Variants in SPI1 observed in about 807,000 individuals in gnomAD.
SPI1 encodes transcription factor PU.1.
SPI1 carries 3 observed loss-of-function variants against 30.7 expected under a neutral mutation model. That is an observed-to-expected ratio of 0.10 (90% CI 0.04 to 0.25). The LOEUF is 0.25. Ranked by LOEUF, SPI1 falls within the 10% of genes least tolerant of loss-of-function variation. SPI1 has a pLI of 1.00. For missense variants in SPI1, 261 were observed against 371.5 expected (o/e 0.70, Z 2.45); for synonymous variants, 169 against 157.1 (o/e 1.08, Z -0.56).
chr11:47,377,065 G>A (rs2095943398), intron 1 of SPI1, among the ~76,000 whole-genome samples: 1 of 152,234 alleles, frequency 6.6e-6, no homozygotes, highest in Admixed American at 6.5e-5. Context: ...GTTCCCAGGT[G>A]GGAAGGGGTG....
chr11:47,356,303 C>A (rs1056205279), intron 4 of SPI1, among the ~76,000 whole-genome samples: 1 of 149,684 alleles, frequency 6.7e-6, no homozygotes, highest in Non-Finnish European at 1.5e-5. Flanking sequence ...CCCACATGTT[C>A]AAACCCACAC....
At chr11:47,358,171 A>C in intron 4 of SPI1, 1 of 228,994 alleles carries the variant, frequency 4.4e-6, no homozygotes. Flanking sequence ...CCACTCACAC[A>C]TCCACTGACA....
Position 47,374,038 on chromosome 11 carries a change from C to T in SPI1, c.142+1595G>A, listed in dbSNP as rs555745372. On this transcript the variant is annotated intron_variant, in intron 2 of 4. Coordinates refer to ENST00000378538, the MANE Select transcript of SPI1 (RefSeq NM_003120.3). This position sits in a 1 kb window ranked among gnomAD's most constrained non-coding sequence, Gnocchi z 4.5. ...AAGAGGGATTGGGCCAGGGAGAATG[C>T]GTCCTTGTTGGAGGAGGCCTGACAG... Among the ~76,000 whole-genome samples, 18 of 152,312 alleles carry T rather than the reference C, an allele frequency of 1.2e-4. No individual in the cohort carries two copies. In the East Asian group the frequency reaches 2.7e-3, roughly 23 times the overall value.
At position 47,356,869 on chromosome 11, in the gene SPI1, TCA is replaced by T. The variant is rs773363380; in HGVS notation, c.494-1325_494-1324del. Among the ~76,000 whole-genome samples the T allele has an allele frequency of 7.7e-5, 11 of 142,510 alleles. No individual in the cohort carries two copies. In the East Asian group the frequency reaches 8.6e-4, roughly 11 times the overall value. 93.5% of individuals were successfully genotyped at this position (142,510 alleles called of 152,430 possible). On this transcript the variant is annotated intron_variant, in intron 4 of 4. Coordinates refer to ENST00000378538, the MANE Select transcript of SPI1 (RefSeq NM_003120.3). ...ACGCACACACCTGCTCACACACATC[TCA>T]CATTACTCAGCTACACACACACGCC...
rs189196108 is a variant in SPI1, at chr11:47,359,122, G to A, written c.331-116C>T. 6.4e-4 allele frequency: 561 copies of A among 875,774 alleles called. 7 individuals are homozygous for A. The African/African-American group carries it at 0.014, about 21-fold the overall frequency. The allele number at this position is 875,774 out of a possible 1,614,324, so 54.3% of individuals were successfully genotyped here. On this transcript the variant is annotated intron_variant, in intron 3 of 4. Transcript: ENST00000378538. This position sits in a 1 kb window ranked among gnomAD's most constrained non-coding sequence, Gnocchi z 5.1. ...TGCAGAGGGCAGGGGACAATGGCAG[G>A]CACAGGAGACTGGAGGAAGAAGACC...
chr11:47,378,039 C>T (rs1256759601), intron 1 of SPI1, among the ~76,000 whole-genome samples: 3 of 152,244 alleles, frequency 2.0e-5, no homozygotes, highest in Non-Finnish European at 4.4e-5. Flanking sequence ...CCCCGGCCTC[C>T]GCCTGCCACC....
chr11:47,377,785 C>A (rs899351874), intron 1 of SPI1, among the ~76,000 whole-genome samples: 4 of 152,234 alleles, frequency 2.6e-5, no homozygotes, highest in African/African-American at 4.8e-5. Flanking sequence ...ATGGCCCTGA[C>A]CCTTTGGTCA....
Position 47,355,152 on chromosome 11 carries a change from T to C in SPI1, c.*75A>G. 8.5e-7 allele frequency: 1 copy of C among 1,179,762 alleles called. No homozygotes were observed. Among genetic ancestry groups the C allele is most frequent in the Non-Finnish European group, 1.1e-6 (1 of 937,768 alleles). 73.1% of individuals were successfully genotyped at this position (1,179,762 alleles called of 1,614,324 possible). On this transcript the variant is annotated 3_prime_UTR_variant, in exon 5 of 5. Coordinates refer to ENST00000378538, the MANE Select transcript of SPI1 (RefSeq NM_003120.3). ...CTCTGGGCCCCGGGAGCGTCCTCCC[T>C]GTGTCCGGGCCGGGCGAGGGCTTAA...
intron 2 of SPI1, among the ~76,000 whole-genome samples, chr11:47,371,281 AC>A (rs1270647210): frequency 7.7e-6 from 1 of 130,452 alleles, no homozygotes; most frequent in Non-Finnish European, 1.6e-5. Flanking sequence ...AATCGCTTGA[AC>A]CCGGGAGGTG....
intron 2 of SPI1, among the ~76,000 whole-genome samples, chr11:47,371,806 A>G (rs565584678): frequency 6.6e-6 from 1 of 152,204 alleles, no homozygotes; most frequent in Non-Finnish European, 1.5e-5. Flanking sequence ...GATAAAATCC[A>G]AATGCCTGCC....
intron 1 of SPI1, 60 bp downstream of exon 1, chr11:47,378,249 G>A (rs2095944971): frequency 1.3e-6 from 2 of 1,552,886 alleles, no homozygotes; most frequent in African/African-American, 2.7e-5. Context: ...GGGTTCGTGG[G>A]CAGGCAGGCA....
chr11:47,359,880 C>T lies in SPI1; in HGVS notation c.303G>A (p.Val101=). The T allele has an allele frequency of 6.2e-7, 1 of 1,607,610 alleles. No individual in the cohort carries two copies. The highest frequency in any genetic ancestry group is 8.5e-7 in the Non-Finnish European group (1 of 1,179,818). Residue 101 remains valine (V), a synonymous_variant, in exon 3 of 5, where the codon GTG becomes GTA. Coordinates refer to ENST00000378538, the MANE Select transcript of SPI1 (RefSeq NM_003120.3). This position sits in a 1 kb window ranked among gnomAD's most constrained non-coding sequence, Gnocchi z 5.1. ...EQMHVLDTPM[V]PPHPSLGHQV... is the part of the protein sequence containing the mutation. ...GGTGGCCAAGACTGGGATGGGGTGG[C>T]ACCATGGGGGTATCGAGGACGTGCA...
intron 1 of SPI1, among the ~76,000 whole-genome samples, chr11:47,376,247 CAG>C: frequency 6.6e-6 from 1 of 152,172 alleles, no homozygotes; most frequent in Admixed American, 6.5e-5. Flanking sequence ...TGCACACACG[CAG>C]AGTCTCCTTG....
chr11:47,364,924 C>T lies in SPI1; in HGVS notation c.143-4884G>A, dbSNP rs890667975. 7.2e-5 allele frequency among the ~76,000 whole-genome samples: 11 copies of T among 152,274 alleles called. 3 individuals are homozygous for T. Among genetic ancestry groups the T allele is most frequent in the East Asian group, 1.9e-4 (1 of 5,182 alleles). On this transcript the variant is annotated intron_variant, in intron 2 of 4. Transcript: ENST00000378538. The stretch of plus-strand genomic sequence containing the variant: ...TGTGCTCACAAAAACTCTGGAATTC[C>T]ACCTGGGGTCTCCTGAAGGCTGCAA...
chr11:47,358,028 CAT>C (rs1164921193), intron 4 of SPI1, among the ~76,000 whole-genome samples: 2 of 151,970 alleles, frequency 1.3e-5, no homozygotes, highest in African/African-American at 4.8e-5. Flanking sequence ...CATGCTTACA[CAT>C]GTTAAAACAC....
chr11:47,362,067 A>G (rs908175966), intron 2 of SPI1, among the ~76,000 whole-genome samples: 1 of 152,174 alleles, frequency 6.6e-6, no homozygotes, highest in Admixed American at 6.5e-5. Flanking sequence ...CCACTGTGTG[A>G]CAATGGGCAG....
intron 2 of SPI1, among the ~76,000 whole-genome samples, chr11:47,369,329 T>C (rs1038220878): frequency 1.4e-4 from 22 of 151,926 alleles, no homozygotes; most frequent in African/African-American, 5.1e-4. Flanking sequence ...CTTGAATCTG[T>C]CCCCCCCTTT....
At chr11:47,356,215 A>G (rs1266128001) in intron 4 of SPI1, among the ~76,000 whole-genome samples, 2 of 150,256 alleles carry the variant, frequency 1.3e-5, no homozygotes, top group South Asian at 2.1e-4. Flanking sequence ...ACTCACACAC[A>G]TGCTCACACA....
intron 4 of SPI1, among the ~76,000 whole-genome samples, chr11:47,357,023 A>C (rs1215930538): frequency 1.3e-5 from 2 of 149,732 alleles, no homozygotes; most frequent in African/African-American, 4.9e-5. Context: ...CACACCTCAC[A>C]CCAAGTCTCA....
Sources: gnomAD v4.1 joint callset for allele counts (sites outside exome capture counted in the v4.1 genomes callset) on GRCh38, gnomAD v4.1.1 for gene constraint, Gnocchi (gnomAD v3.1) non-coding constraint, MANE v1.5 for transcripts, NCBI Gene and HGNC (gene_info 2026-07-23, HGNC 2026-07-21) for gene names.